Variants in STAC observed in about 807,000 individuals in gnomAD.
STAC encodes the protein SH3 and cysteine rich domain, also known as SH3 and cysteine-rich domain-containing protein.
A neutral mutation model predicts 48.8 loss-of-function variants in STAC; 43 were observed. That is an observed-to-expected ratio of 0.88 (90% CI 0.69 to 1.14). The LOEUF is 1.14. Among genes scored for constraint, STAC ranks in the 50% most tolerant of loss-of-function variants. STAC has a pLI of 0.00. For missense variants in STAC, 497 were observed against 504.0 expected, an observed-to-expected ratio of 0.99 and a Z score of 0.13; for synonymous variants, 193 against 179.5, an observed-to-expected ratio of 1.07 and a Z score of -0.60.
At chr3:36,406,857 T>G (rs1559479933) in intron 1 of STAC, among the ~76,000 whole-genome samples, 1 of 152,222 alleles carries the variant, frequency 6.6e-6, no homozygotes, top group Non-Finnish European at 1.5e-5. Flanking sequence ...TCTATTATCT[T>G]ACACAATATT....
At chr3:36,436,862 C>T (rs1281140696) in intron 1 of STAC, among the ~76,000 whole-genome samples, 5 of 151,772 alleles carry the variant, frequency 3.3e-5, no homozygotes, top group African/African-American at 1.2e-4. Context: ...AAGAAAATTT[C>T]CGCAACCTAC....
At chr3:36,440,248 G>A (rs1006940819) in intron 1 of STAC, among the ~76,000 whole-genome samples, 1 of 152,212 alleles carries the variant, frequency 6.6e-6, no homozygotes, top group African/African-American at 2.4e-5. Flanking sequence ...GCAGGAGGGT[G>A]GGGAGAACAG....
intron 1 of STAC, among the ~76,000 whole-genome samples, chr3:36,412,563 G>C (rs1010108257): frequency 6.6e-5 from 10 of 152,146 alleles, no homozygotes; most frequent in Non-Finnish European, 1.2e-4. Context: ...AACATACAAA[G>C]TGCCAAAGAT....
At chr3:36,528,553 G>A (rs1575264315) in intron 8 of STAC, 143 bp from the exon 9 acceptor site, 2 of 643,230 alleles carry the variant, frequency 3.1e-6, no homozygotes, top group East Asian at 3.0e-5. Context: ...TTCTTGGTAG[G>A]AAGAACTGGT....
At chr3:36,445,244 G>T (rs542254122) in intron 2 of STAC, among the ~76,000 whole-genome samples, 4 of 152,044 alleles carry the variant, frequency 2.6e-5, no homozygotes, top group Non-Finnish European at 5.9e-5. Flanking sequence ...ACTCTATTTT[G>T]AATATCACTA....
chr3:36,533,418 T>C (rs777217368), intron 10 of STAC, among the ~76,000 whole-genome samples: 27 of 150,524 alleles, frequency 1.8e-4, no homozygotes, highest in Non-Finnish European at 3.5e-4. Flanking sequence ...ATAAAATAAA[T>C]TTGGGAAGAA....
chr3:36,523,489 G>GT (rs1367791190), intron 8 of STAC, among the ~76,000 whole-genome samples: 4 of 152,194 alleles, frequency 2.6e-5, no homozygotes, highest in Non-Finnish European at 1.5e-5. Context: ...CAAAGGAAAT[G>GT]TTTTTTAAGT....
intron 2 of STAC, among the ~76,000 whole-genome samples, chr3:36,468,719 A>G (rs921604710): frequency 4.8e-5 from 7 of 146,444 alleles, no homozygotes; most frequent in African/African-American, 1.7e-4. Flanking sequence ...TATAAAATAC[A>G]TATATATGTA....
intron 1 of STAC, among the ~76,000 whole-genome samples, chr3:36,385,753 A>G (rs185866297): frequency 1.5e-3 from 231 of 152,232 alleles, no homozygotes; most frequent in African/African-American, 2.4e-3. Context: ...ATTGAATCAT[A>G]CAATATTTTA....
Position 36,493,199 on chromosome 3 carries a change from G to A in STAC, c.736G>A (p.Gly246Arg), listed in dbSNP as rs145771131. The A allele has an allele frequency of 3.0e-5, 49 of 1,613,482 alleles. No individual in the cohort carries two copies. Among genetic ancestry groups the A allele is most frequent in the African/African-American group, 2.7e-4 (20 of 75,014 alleles). The change falls in exon 6 of 11, where the codon GGG (glycine) becomes AGG (arginine). Residue 246 changes from glycine (G) to arginine (R), a missense_variant. By Grantham distance (125) the Gly-to-Arg change is moderately radical (BLOSUM62 -2). Coordinates refer to ENST00000273183, the MANE Select transcript of STAC (RefSeq NM_003149.3). ...TGAGGAAGCCAATGGGCCAGGAGGCGGGTATGACCTAAGGAAACGCAGCAA... is the reference window on the plus strand; with the variant it reads ...TGAGGAAGCCAATGGGCCAGGAGGCAGGTATGACCTAAGGAAACGCAGCAA... Reference protein sequence around the residue: ...VPEEANGPGGGYDLRKRSNSV... With the variant: ...VPEEANGPGGRYDLRKRSNSV...
rs73830344 is a variant in STAC at position 36,424,771 on chromosome 3, C to A, written c.112-18593C>A. ...CCAACTAAAAGGAGCTCTGAATGAG[C>A]AAACCTGGGACAATTTGAGCAACAA... On this transcript the variant is annotated intron_variant, in intron 1 of 10. Coordinates refer to ENST00000273183, the MANE Select transcript of STAC (RefSeq NM_003149.3). Among the ~76,000 whole-genome samples the A allele has an allele frequency of 2.2e-4, 33 of 152,172 alleles. 1 individual carries two copies. Among genetic ancestry groups the A allele is most frequent in the Admixed American group, 6.5e-4 (10 of 15,282 alleles).
chr3:36,489,738 G>GC (rs1389837200), intron 5 of STAC, among the ~76,000 whole-genome samples: 1 of 152,100 alleles, frequency 6.6e-6, no homozygotes, highest in Non-Finnish European at 1.5e-5. Context: ...CACTATAAAG[G>GC]CCCAGGTTCT....
In STAC at chr3:36,531,597, C is replaced by T. The variant is rs1352081235; in HGVS notation, c.1110+2612C>T. ...AGACCTAAGAGGTCTCACCACAGCC[C>T]ACCCACCTTACCACCACCACCATGG... On this transcript the variant is annotated intron_variant, in intron 10 of 10. Coordinates refer to ENST00000273183, the MANE Select transcript of STAC (RefSeq NM_003149.3). Among the ~76,000 whole-genome samples the T allele has an allele frequency of 2.0e-5, 3 of 152,234 alleles. No homozygotes were observed. The East Asian group carries it at 5.8e-4, about 29-fold the overall frequency.
chr3:36,473,751 G>A (rs376490837), intron 2 of STAC, among the ~76,000 whole-genome samples: 3 of 152,156 alleles, frequency 2.0e-5, no homozygotes, highest in African/African-American at 7.2e-5. Flanking sequence ...TTTAAAAATT[G>A]GTAAAACTGT....
intron 1 of STAC, among the ~76,000 whole-genome samples, chr3:36,393,979 G>A (rs959308512): frequency 3.9e-5 from 6 of 151,926 alleles, no homozygotes; most frequent in East Asian, 1.9e-4. Flanking sequence ...AGAAGCTGGC[G>A]GTGGGGGAGA....
intron 1 of STAC, among the ~76,000 whole-genome samples, chr3:36,399,932 CAT>C (rs1486524362): frequency 6.6e-5 from 10 of 152,122 alleles, no homozygotes; most frequent in Non-Finnish European, 1.5e-4. Flanking sequence ...TGGAGGCACT[CAT>C]GTGCAAGTGC....
At chr3:36,535,578 C>T (rs1575269916) in intron 10 of STAC, among the ~76,000 whole-genome samples, 1 of 152,132 alleles carries the variant, frequency 6.6e-6, no homozygotes, top group Non-Finnish European at 1.5e-5. Flanking sequence ...CAGCTTTTGC[C>T]CATTCGGTAT....
intron 6 of STAC, among the ~76,000 whole-genome samples, chr3:36,504,026 T>G (rs1304231553): frequency 1.3e-5 from 2 of 152,180 alleles, no homozygotes; most frequent in East Asian, 3.9e-4. Context: ...GGACTATATC[T>G]CAACCACCAC....
chr3:36,399,198 A>T (rs1575175396), intron 1 of STAC, among the ~76,000 whole-genome samples: 1 of 152,190 alleles, frequency 6.6e-6, no homozygotes, highest in East Asian at 1.9e-4. Context: ...AAAGGAAGAG[A>T]GATCTGCCTG....
Sources: gnomAD v4.1 joint callset for allele counts (sites outside exome capture counted in the v4.1 genomes callset) on GRCh38, gnomAD v4.1.1 for gene constraint, MANE v1.5 for transcripts, NCBI Gene and HGNC (gene_info 2026-07-23, HGNC 2026-07-21) for gene names.